The following L3MBTL1 variants were observed in gnomAD, a reference collection of about 807,000 sequenced individuals.
L3MBTL1 encodes the protein L3MBTL histone methyl-lysine binding protein 1.
Under a neutral mutation model 105.3 loss-of-function variants are expected in L3MBTL1, and 75 were observed. That is an observed-to-expected ratio of 0.71 (90% CI 0.59 to 0.86). L3MBTL1 has a LOEUF of 0.86. Among genes scored for constraint, L3MBTL1 ranks in the 40% least tolerant of loss-of-function variants. The probability of loss-of-function intolerance (pLI) is 0.00; values close to 1 mark genes in which losing one functional copy is unlikely to be tolerated. For missense variants in L3MBTL1, 1,069 were observed against 1,126.4 expected (o/e 0.95, Z 0.73); for synonymous variants, 452 against 436.2 (o/e 1.04, Z -0.45).
At chr20:43,522,349 C>T (rs1219021251) in intron 7 of L3MBTL1, among the ~76,000 whole-genome samples, 4 of 151,362 alleles carry the variant, frequency 2.6e-5, no homozygotes, top group South Asian at 2.1e-4. Context: ...AGCAAAACTC[C>T]GTCTCAAAAA....
rs373429910 is a variant in L3MBTL1 at position 43,534,251 on chromosome 20, G to A, written c.1600-33G>A. On this transcript the variant is annotated intron_variant, in intron 14 of 21. Transcript: ENST00000418998. ...GTGGGGCTCAGCTCTGCTGAGCTGC[G>A]CCTTGCCCTGAAGGCAGCTGTCCCC... is the stretch of plus-strand genomic sequence containing the variant. 104 of 1,599,472 alleles carry A rather than the reference G, an allele frequency of 6.5e-5. 1 individual carries two copies. Among genetic ancestry groups the A allele is most frequent in the South Asian group, 2.8e-4 (25 of 90,526 alleles).
intron 1 of L3MBTL1, among the ~76,000 whole-genome samples, chr20:43,508,451 G>A (rs1057007393): frequency 2.0e-5 from 3 of 152,202 alleles, no homozygotes; most frequent in Non-Finnish European, 4.4e-5. Flanking sequence ...GCTCAGCCTT[G>A]CTGTGTGTTG....
rs1600890923 is a variant in L3MBTL1, at chr20:43,513,890, T to C, written c.189T>C (p.Phe63=). The change falls in exon 3 of 22, where the codon TTT becomes TTC. Residue 63 remains phenylalanine, a synonymous_variant. Transcript: ENST00000418998. ...LPSSALDVSC[F]PREPIHVGAP... is the part of the protein sequence containing the mutation. ...GCAGTGCCCTGGATGTGTCTTGCTT[T>C]CCCCGGGAGCCAATCCATGTGGGTG... 1 of 1,550,604 alleles carries C rather than the reference T, an allele frequency of 6.4e-7. No homozygotes were observed. The highest frequency in any genetic ancestry group is 2.4e-5 in the East Asian group (1 of 40,916).
At chr20:43,533,950 C>A (rs2019470890) in intron 13 of L3MBTL1, 58 bp from the exon 14 acceptor site, 15 of 1,227,872 alleles carry the variant, frequency 1.2e-5, no homozygotes, top group Non-Finnish European at 1.8e-5. Flanking sequence ...TGCTTGGGGG[C>A]AGAGGGCTTC....
chr20:43,512,520 T>A (rs2018159978), intron 1 of L3MBTL1, among the ~76,000 whole-genome samples: 1 of 152,256 alleles, frequency 6.6e-6, no homozygotes, highest in African/African-American at 2.4e-5. Flanking sequence ...TTCTGGTCAC[T>A]ATTTAAATTT....
intron 19 of L3MBTL1, among the ~76,000 whole-genome samples, chr20:43,537,829 G>A (rs1297900420): frequency 6.6e-6 from 1 of 152,164 alleles, no homozygotes; most frequent in Non-Finnish European, 1.5e-5. Context: ...CTGTAACCTG[G>A]GCAGTAAGTA....
At chr20:43,528,565 G>T (rs1490657180) in intron 7 of L3MBTL1, 92 bp from the exon 8 acceptor site, 2 of 882,280 alleles carry the variant, frequency 2.3e-6, no homozygotes, top group Admixed American at 3.7e-5. Context: ...GATTTGTTTT[G>T]GGGGTGAAGG....
At chr20:43,535,218 CA>C (rs2019546742) in intron 16 of L3MBTL1, among the ~76,000 whole-genome samples, 3 of 152,140 alleles carry the variant, frequency 2.0e-5, no homozygotes, top group Admixed American at 2.0e-4. Flanking sequence ...GTCAGGCACC[CA>C]GGGATTTCTC....
chr20:43,531,360 G>A (rs1192639403), intron 11 of L3MBTL1: 2 of 156,430 alleles, frequency 1.3e-5, no homozygotes, highest in African/African-American at 4.8e-5. Flanking sequence ...TTATCCAGCA[G>A]TTAAAGTATC....
chr20:43,522,408 A>G (rs2018761653), intron 7 of L3MBTL1, among the ~76,000 whole-genome samples: 1 of 145,018 alleles, frequency 6.9e-6, no homozygotes, highest in African/African-American at 2.5e-5. Context: ...ATCAAACTGT[A>G]TTAGGGTATC....
chr20:43,540,167 C>T lies in L3MBTL1; in HGVS notation c.2190C>T (p.Val730=), dbSNP rs374857830. Residue 730 remains valine (V), a synonymous_variant, in exon 20 of 22, where the codon GTC becomes GTT. Transcript: ENST00000418998. ...QEDFQTLTPD[V]VHQSLFMSAL... ...GCTTTCCAGCCCTCACGCCCGATGT[C>T]GTGCACCAGTCCCTCTTCATGTCAG... is the stretch of plus-strand genomic sequence containing the variant. The T allele has an allele frequency of 1.2e-5, 20 of 1,612,626 alleles. No individual in the cohort carries two copies. The African/African-American group carries it at 2.3e-4, about 18-fold the overall frequency.
chr20:43,515,037 T>A lies in L3MBTL1; in HGVS notation c.531T>A (p.Asp177Glu). The A allele has an allele frequency of 1.9e-6, 3 of 1,613,952 alleles. No individual in the cohort carries two copies. The highest frequency in any genetic ancestry group is 2.5e-6 in the Non-Finnish European group (3 of 1,179,922). Residue 177 changes from aspartate to glutamate, a missense_variant, in exon 5 of 22, where the codon GAT (aspartate) becomes GAA (glutamate). By Grantham distance (45) the Asp-to-Glu change is conservative (BLOSUM62 2). Coordinates refer to ENST00000418998, the MANE Select transcript of L3MBTL1 (RefSeq NM_001377303.1). The part of the protein sequence containing the change: ...AEDHPQNPPE[D>E]PNQDPPEDDS... ...ACCACCCCCAGAATCCTCCAGAAGATCCCAATCAGGACCCCCCAGAGGATG... is the reference window on the plus strand; with the variant it reads ...ACCACCCCCAGAATCCTCCAGAAGAACCCAATCAGGACCCCCCAGAGGATG...
At chr20:43,540,367 C>T (rs902377017) in intron 20 of L3MBTL1, 59 bp downstream of exon 20, 77 of 1,581,250 alleles carry the variant, frequency 4.9e-5, no homozygotes, top group Non-Finnish European at 6.4e-5. Flanking sequence ...TCTCACCATA[C>T]CCTGGTGGAA....
chr20:43,514,429 G>A, intron 3 of L3MBTL1: 1 of 1,474,618 alleles, frequency 6.8e-7, no homozygotes, highest in South Asian at 1.4e-5. Context: ...GGGCACCCTG[G>A]GACTGGACCC....
At chr20:43,514,090 T>C (rs546157555) in intron 3 of L3MBTL1, 29 bp downstream of exon 3, 1 of 1,511,540 alleles carries the variant, frequency 6.6e-7, no homozygotes, top group South Asian at 1.2e-5. Flanking sequence ...TGGCTAAGCC[T>C]CGTAAACCGC....
Position 43,515,028 on chromosome 20 carries a change from T to A in L3MBTL1, c.522T>A (p.Pro174=), listed in dbSNP as rs2018306889. 3 of 1,613,958 alleles carry A rather than the reference T, an allele frequency of 1.9e-6. No individual in the cohort carries two copies. Among genetic ancestry groups the A allele is most frequent in the Non-Finnish European group, 2.5e-6 (3 of 1,179,880 alleles). The change falls in exon 5 of 22, where the codon CCT becomes CCA. Residue 174 remains proline (P), a synonymous_variant. Transcript: ENST00000418998. ...CCGCAGAGGACCACCCCCAGAATCC[T>A]CCAGAAGATCCCAATCAGGACCCCC... The part of the protein sequence containing the change: ...PQQAEDHPQN[P]PEDPNQDPPE...
In L3MBTL1 at chr20:43,534,349, G is replaced by T; in HGVS notation, c.1665G>T (p.Leu555=). ...CTGTGGACCGCAGGAACCCAGCCCTGATTCGCGTGGCCAGCGTGGAGGATG... is the reference window on the plus strand; with the variant it reads ...CTGTGGACCGCAGGAACCCAGCCCTTATTCGCGTGGCCAGCGTGGAGGATG... ...LEAVDRRNPA[L]IRVASVEDVE... is the part of the protein sequence containing the mutation. The change falls in exon 15 of 22, where the codon CTG becomes CTT. Residue 555 remains leucine, a synonymous_variant. Coordinates refer to ENST00000418998, the MANE Select transcript of L3MBTL1 (RefSeq NM_001377303.1). 1.9e-6 allele frequency: 3 copies of T among 1,614,144 alleles called. No homozygotes were observed. The highest frequency in any genetic ancestry group is 1.3e-5 in the African/African-American group (1 of 75,066).
intron 7 of L3MBTL1, among the ~76,000 whole-genome samples, chr20:43,527,927 C>G (rs2019116485): frequency 6.6e-6 from 1 of 152,070 alleles, no homozygotes; most frequent in African/African-American, 2.4e-5. Context: ...GAGTCTTGCC[C>G]TGTTGCCCAG....
chr20:43,514,371 G>C, intron 3 of L3MBTL1: 1 of 1,362,444 alleles, frequency 7.3e-7, no homozygotes, highest in South Asian at 1.5e-5. Context: ...TTAGAGTGGG[G>C]TACCGTGGGA....
Sources: gnomAD v4.1 joint callset for allele counts (sites outside exome capture counted in the v4.1 genomes callset) on GRCh38, gnomAD v4.1.1 for gene constraint, MANE v1.5 for transcripts, NCBI Gene and HGNC (gene_info 2026-07-23, HGNC 2026-07-21) for gene names.